Variants in HCRTR2 observed in about 807,000 individuals in gnomAD.
HCRTR2 encodes orexin receptor type 2.
HCRTR2 carries 22 observed loss-of-function variants against 49.0 expected under a neutral mutation model. The observed-to-expected ratio is 0.45, with a 90% CI of 0.32 to 0.64. The LOEUF (loss-of-function observed/expected upper bound fraction) is 0.64, where lower values mean the gene tolerates loss of function less well. Among genes scored for constraint, HCRTR2 ranks in the 30% least tolerant of loss-of-function variants. The pLI, the probability that HCRTR2 is intolerant of heterozygous loss-of-function variation, is 0.04. For missense variants in HCRTR2, 491 were observed against 559.4 expected, an observed-to-expected ratio of 0.88 and a Z score of 1.23; for synonymous variants, 236 against 205.3, an observed-to-expected ratio of 1.15 and a Z score of -1.28.
chr6:55,203,245 C>T (rs935729813), intron 1 of HCRTR2, among the ~76,000 whole-genome samples: 2 of 152,196 alleles, frequency 1.3e-5, no homozygotes, highest in African/African-American at 2.4e-5. Flanking sequence ...CATAAAAACT[C>T]ATTTGACAAA....
At chr6:55,138,025 C>A (rs904728869) in intron 1 of HCRTR2, among the ~76,000 whole-genome samples, 1 of 152,002 alleles carries the variant, frequency 6.6e-6, no homozygotes, top group African/African-American at 2.4e-5. Context: ...GAAGGGAGAA[C>A]GGGATATACT....
chr6:55,147,695 T>C (rs538037303), intron 1 of HCRTR2, among the ~76,000 whole-genome samples: 10 of 152,330 alleles, frequency 6.6e-5, no homozygotes, highest in Non-Finnish European at 1.2e-4. Flanking sequence ...TTCTTCTTTT[T>C]AATGTAGTGT....
intron 1 of HCRTR2, among the ~76,000 whole-genome samples, chr6:55,246,031 T>C (rs1240467609): frequency 1.3e-5 from 2 of 151,968 alleles, no homozygotes; most frequent in Non-Finnish European, 2.9e-5. Context: ...CACAGTAGAA[T>C]GTCATGCACT....
intron 1 of HCRTR2, among the ~76,000 whole-genome samples, chr6:55,189,750 T>C (rs942302879): frequency 2.0e-5 from 3 of 152,138 alleles, no homozygotes; most frequent in African/African-American, 7.2e-5. Context: ...CGTTTACCTA[T>C]GTAACAAACC....
chr6:55,106,894 T>A (rs1018793309), intron 1 of HCRTR2, among the ~76,000 whole-genome samples: 2 of 152,066 alleles, frequency 1.3e-5, no homozygotes, highest in African/African-American at 4.8e-5. Context: ...GGGGCCTGTG[T>A]TTAGCTTGTT....
chr6:55,131,352 A>C (rs929172544), intron 1 of HCRTR2, among the ~76,000 whole-genome samples: 1 of 151,936 alleles, frequency 6.6e-6, no homozygotes, highest in African/African-American at 2.4e-5. Context: ...TAAAGAAAAC[A>C]TTTATTTCAA....
intron 1 of HCRTR2, among the ~76,000 whole-genome samples, chr6:55,185,719 C>G (rs759164982): frequency 9.2e-5 from 14 of 152,158 alleles, no homozygotes; most frequent in South Asian, 6.2e-4. Context: ...ATAACATTTA[C>G]AGAAGTAAAA....
intron 3 of HCRTR2, among the ~76,000 whole-genome samples, chr6:55,255,889 A>G (rs1169663769): frequency 6.6e-6 from 1 of 152,228 alleles, no homozygotes. Flanking sequence ...CAAATAATCC[A>G]AATTTGTTTT....
Position 55,174,762 on chromosome 6 carries a change from G to A in HCRTR2, c.175G>A (p.Ala59Thr), listed in dbSNP as rs1467427726. The A allele has an allele frequency of 6.2e-7, 1 of 1,613,876 alleles. No homozygotes were observed. The highest frequency in any genetic ancestry group is 1.7e-5 in the Admixed American group (1 of 59,980). The change falls in exon 1 of 7, where the codon GCC (alanine) becomes ACC (threonine). Residue 59 changes from alanine to threonine, a missense_variant. By Grantham distance (58) the Ala-to-Thr change is moderately conservative. Transcript: ENST00000370862. ...GAAAGAATATGAGTGGGTCCTGATC[G>A]CCGGGTACATCATCGTGTTCGTCGT... ...HPKEYEWVLI[A>T]GYIIVFVVAL...
In HCRTR2 at chr6:55,279,886, C is replaced by T. The variant is rs557920227; in HGVS notation, c.984-437C>T. Among the ~76,000 whole-genome samples the T allele has an allele frequency of 3.9e-5, 6 of 151,966 alleles. No homozygotes were observed. The South Asian group carries it at 1.3e-3, about 32-fold the overall frequency. ...AGTCCAGGAAGATTGGAGTTGAAGGCATATGATACTTTGATCAATACATAA... is the reference window on the plus strand; with the variant it reads ...AGTCCAGGAAGATTGGAGTTGAAGGTATATGATACTTTGATCAATACATAA... On this transcript the variant is annotated intron_variant, in intron 5 of 6. Transcript: ENST00000370862.
At chr6:55,116,715 G>GAGAGAGAA (rs55778468) in intron 1 of HCRTR2, among the ~76,000 whole-genome samples, 6 of 88,546 alleles carry the variant, frequency 6.8e-5, no homozygotes, top group South Asian at 8.2e-4. Context: ...AAGAGAGAGA[G>GAGAGAGAA]AAAAAAAAAA....
chr6:55,138,026 G>A (rs1581790536), intron 1 of HCRTR2, among the ~76,000 whole-genome samples: 1 of 152,054 alleles, frequency 6.6e-6, no homozygotes, highest in African/African-American at 2.4e-5. Flanking sequence ...AAGGGAGAAC[G>A]GGATATACTG....
chr6:55,148,116 T>C (rs1261879943), intron 1 of HCRTR2, among the ~76,000 whole-genome samples: 1 of 152,196 alleles, frequency 6.6e-6, no homozygotes, highest in Non-Finnish European at 1.5e-5. Context: ...AGGTTTATAG[T>C]ACCTTTATAT....
intron 4 of HCRTR2, among the ~76,000 whole-genome samples, chr6:55,270,338 A>G (rs1164913942): frequency 3.3e-5 from 5 of 152,214 alleles, no homozygotes; most frequent in Non-Finnish European, 7.3e-5. Context: ...AGCAACTTCA[A>G]TGAGTAGGCC....
intron 1 of HCRTR2, among the ~76,000 whole-genome samples, chr6:55,153,711 G>T (rs1359209728): frequency 6.6e-6 from 1 of 151,834 alleles, no homozygotes; most frequent in Non-Finnish European, 1.5e-5. Flanking sequence ...CATACTGGTG[G>T]AGTCTAATTA....
At position 55,269,331 on chromosome 6, in the gene HCRTR2, A is replaced by G. The variant is rs146071132; in HGVS notation, c.762+5509A>G. On this transcript the variant is annotated intron_variant, in intron 4 of 6. Coordinates refer to ENST00000370862, the MANE Select transcript of HCRTR2 (RefSeq NM_001384272.1). Reference sequence around the variant, plus strand: ...TTTCATTCAATGTTGAACAGAACTGATTCTTTTCAGGGCAAACAGGCAAGA... The same window carrying G: ...TTTCATTCAATGTTGAACAGAACTGGTTCTTTTCAGGGCAAACAGGCAAGA... Among the ~76,000 whole-genome samples the G allele has an allele frequency of 8.4e-3, 1,277 of 152,194 alleles. 17 individuals are homozygous for G. The highest frequency in any genetic ancestry group is 0.028 in the African/African-American group (1,178 of 41,552).
chr6:55,189,404 G>A (rs561690025), intron 1 of HCRTR2, among the ~76,000 whole-genome samples: 1 of 152,268 alleles, frequency 6.6e-6, no homozygotes, highest in South Asian at 2.1e-4. Flanking sequence ...AAACAAACAT[G>A]AGAGGCAGTC....
chr6:55,161,306 C>T (rs1005908826), intron 1 of HCRTR2, among the ~76,000 whole-genome samples: 1 of 152,022 alleles, frequency 6.6e-6, no homozygotes, highest in African/African-American at 2.4e-5. Context: ...ACACAACATA[C>T]CAGAATCTCT....
At chr6:55,106,887 G>T (rs1222954620) in intron 1 of HCRTR2, among the ~76,000 whole-genome samples, 2 of 152,024 alleles carry the variant, frequency 1.3e-5, no homozygotes, top group Non-Finnish European at 2.9e-5. Context: ...CTGTAAAGGG[G>T]CCTGTGTTTA....
Sources: allele counts gnomAD v4.1 joint callset (sites outside exome capture counted in the v4.1 genomes callset), GRCh38; gene constraint gnomAD v4.1.1; transcripts MANE v1.5; gene names NCBI Gene and HGNC (gene_info 2026-07-23, HGNC 2026-07-21).